Variants in ZNF469 observed in about 807,000 individuals in gnomAD.
ZNF469 encodes the protein zinc finger protein 469.
A neutral mutation model predicts 1.0 loss-of-function variants in ZNF469; 1 was observed. That is an observed-to-expected ratio of 1.00 (90% confidence interval 0.35 to 4.73). The LOEUF (loss-of-function observed/expected upper bound fraction) is 4.73. ZNF469 is among the 30% of genes most tolerant of loss of function. The pLI, the probability that ZNF469 is intolerant of heterozygous loss-of-function variation, is 0.16. For synonymous variants in ZNF469, 2,703 were observed against 2,363.4 expected (o/e 1.14, Z -4.17); for missense variants, 6,100 against 5,356.3 (o/e 1.14, Z -4.33).
rs1439834064 is a variant in ZNF469 at position 88,435,237 on chromosome 16, C to T, written c.7767C>T (p.Ala2589=). The change falls in exon 3 of 3, where the codon GCC becomes GCT. Residue 2589 remains alanine, a synonymous_variant. Coordinates refer to ENST00000565624, the MANE Select transcript of ZNF469 (RefSeq NM_001367624.2). The part of the protein sequence containing the change: ...TEHEVDVKTP[A]SKPRPDQARE... The stretch of plus-strand genomic sequence containing the variant: ...ATGAGGTAGATGTGAAGACTCCGGC[C>T]TCCAAGCCCAGACCAGACCAGGCCA... The T allele has an allele frequency of 3.2e-6, 5 of 1,550,392 alleles. No homozygotes were observed. The highest frequency in any genetic ancestry group is 2.4e-5 in the East Asian group (1 of 40,930).
At chr16:88,132,214 G>A in the ZNF469 span, among the ~76,000 whole-genome samples, 4 of 152,250 alleles carry the variant, frequency 2.6e-5, no homozygotes, top group Admixed American at 1.3e-4. Context: ...CCCAGGACGG[G>A]GAGGTTGCTT....
chr16:88,336,222 G>A, the ZNF469 span, among the ~76,000 whole-genome samples: 3 of 142,512 alleles, frequency 2.1e-5, no homozygotes, highest in Admixed American at 7.0e-5. Context: ...TACCACGCAC[G>A]TTCATCCTTC....
chr16:88,135,854 G>A, the ZNF469 span, among the ~76,000 whole-genome samples: 4,467 of 148,236 alleles, frequency 0.03, 220 homozygotes, highest in African/African-American at 0.11. Flanking sequence ...TCCGTCTCCC[G>A]GGTTCACGCC....
At chr16:88,103,276 C>G in the ZNF469 span, among the ~76,000 whole-genome samples, 1 of 152,248 alleles carries the variant, frequency 6.6e-6, no homozygotes, top group African/African-American at 2.4e-5. Context: ...CCCTTCGGCT[C>G]TGGTCCTGTT....
the ZNF469 span, among the ~76,000 whole-genome samples, chr16:88,246,514 A>C: frequency 6.6e-6 from 1 of 152,240 alleles, no homozygotes; most frequent in Admixed American, 6.5e-5. Context: ...CTGTCTTGGC[A>C]CACTCGTTCT....
chr16:88,196,935 G>A, the ZNF469 span, among the ~76,000 whole-genome samples: 60,190 of 151,948 alleles, frequency 0.4, 13,213 homozygotes, highest in South Asian at 0.54. Flanking sequence ...GAGATGCCTT[G>A]GGAGGGGTGA....
In ZNF469 at chr16:88,435,493, C is replaced by G. The variant is rs1906506172; in HGVS notation, c.8023C>G (p.Pro2675Ala). ...SPAMASYAAS[P>A]SHCLSVEGGP... is the part of the protein sequence containing the mutation. ...TGCAATGGCCAGTTACGCAGCCTCT[C>G]CGAGCCACTGCCTCTCTGTGGAAGG... Residue 2675 changes from proline to alanine, a missense_variant, in exon 3 of 3, where the codon CCG becomes GCG. Transcript: ENST00000565624. The G allele has an allele frequency of 1.3e-6, 2 of 1,548,986 alleles. No individual in the cohort carries two copies. Among genetic ancestry groups the G allele is most frequent in the African/African-American group, 1.4e-5 (1 of 73,052 alleles).
the ZNF469 span, among the ~76,000 whole-genome samples, chr16:88,307,179 C>T: frequency 6.6e-6 from 1 of 152,258 alleles, no homozygotes; most frequent in Non-Finnish European, 1.5e-5. Context: ...TGTGTCAGCA[C>T]TTCATTCCTT....
At chr16:88,131,143 G>T in the ZNF469 span, among the ~76,000 whole-genome samples, 22 of 152,234 alleles carry the variant, frequency 1.4e-4, no homozygotes, top group African/African-American at 5.3e-4. Flanking sequence ...GGAACCAGTT[G>T]GCATTTTCAA....
At chr16:88,117,634 C>T in the ZNF469 span, among the ~76,000 whole-genome samples, 11 of 152,116 alleles carry the variant, frequency 7.2e-5, no homozygotes, top group Admixed American at 2.0e-4. Flanking sequence ...CTTCATGGAC[C>T]GTGGGAAAGT....
At chr16:88,302,061 G>A in the ZNF469 span, among the ~76,000 whole-genome samples, 8 of 152,322 alleles carry the variant, frequency 5.3e-5, no homozygotes, top group African/African-American at 1.4e-4. Flanking sequence ...CGGGCAGTTC[G>A]TTGCCAGGCA....
At chr16:88,132,129 C>T in the ZNF469 span, among the ~76,000 whole-genome samples, 1 of 152,236 alleles carries the variant, frequency 6.6e-6, no homozygotes, top group Non-Finnish European at 1.5e-5. Context: ...TGTCTGTGGC[C>T]CCGGCCATAC....
chr16:88,433,018 C>T lies in ZNF469; in HGVS notation c.5548C>T (p.Pro1850Ser). The T allele has an allele frequency of 1.9e-6, 3 of 1,550,382 alleles. No homozygotes were observed. Among genetic ancestry groups the T allele is most frequent in the African/African-American group, 1.4e-5 (1 of 73,180 alleles). The stretch of plus-strand genomic sequence containing the variant: ...GCACCTCCACCCCACGGCAGGGAGG[C>T]CTGGCTTTGAGGGTAATGAGTTTGC... ...GGHLHPTAGRPGFEGNEFAPA... is the reference protein window; with the variant it reads ...GGHLHPTAGRSGFEGNEFAPA... Residue 1850 changes from proline to serine, a missense_variant, in exon 3 of 3, where the codon CCT becomes TCT. Pro to Ser is a moderately conservative substitution (Grantham distance 74). Transcript: ENST00000565624.
At chr16:88,426,211 C>A (rs922085115) in intron 2 of ZNF469, among the ~76,000 whole-genome samples, 3 of 152,242 alleles carry the variant, frequency 2.0e-5, no homozygotes, top group African/African-American at 7.2e-5. Flanking sequence ...CCTTCAGCTC[C>A]CAGCTGCTCT....
chr16:88,158,351 G>A, the ZNF469 span, among the ~76,000 whole-genome samples: 141 of 152,132 alleles, frequency 9.3e-4, no homozygotes, highest in Non-Finnish European at 1.5e-3. Flanking sequence ...GGAAGCCCCC[G>A]GGGCAGGCAA....
At chr16:88,214,891 GA>G in the ZNF469 span, among the ~76,000 whole-genome samples, 1 of 152,004 alleles carries the variant, frequency 6.6e-6, no homozygotes, top group Non-Finnish European at 1.5e-5. Flanking sequence ...ATTTTCTCTT[GA>G]TTTTTTTTTG....
At chr16:88,265,603 G>A in the ZNF469 span, among the ~76,000 whole-genome samples, 2 of 152,186 alleles carry the variant, frequency 1.3e-5, no homozygotes, top group African/African-American at 2.4e-5. Flanking sequence ...GAGCCACACC[G>A]TGTGGCTGGG....
the ZNF469 span, among the ~76,000 whole-genome samples, chr16:88,173,094 A>G: frequency 6.6e-6 from 1 of 152,376 alleles, no homozygotes; most frequent in Non-Finnish European, 1.5e-5. Flanking sequence ...GTTGGAAAGT[A>G]TAAACCCACA....
upstream of ZNF469, among the ~76,000 whole-genome samples, chr16:88,380,147 A>ACG (rs1444594315): frequency 2.6e-5 from 4 of 151,602 alleles, no homozygotes; most frequent in East Asian, 7.7e-4. Flanking sequence ...ACACACTCAC[A>ACG]CACAAATGCA....
Sources: gnomAD v4.1 joint callset for allele counts (sites outside exome capture counted in the v4.1 genomes callset) on GRCh38, gnomAD v4.1.1 for gene constraint, MANE v1.5 for transcripts, NCBI Gene and HGNC (gene_info 2026-07-23, HGNC 2026-07-21) for gene names.